BTBD8: variants seen among roughly 807,000 people sequenced by gnomAD.
BTBD8 encodes the protein BTB/POZ domain-containing protein 8.
BTBD8 carries 110 observed loss-of-function variants against 162.9 expected under a neutral mutation model. The observed-to-expected ratio is 0.68, with a 90% CI of 0.58 to 0.79. BTBD8 has a LOEUF of 0.79. Ranked by LOEUF, BTBD8 falls within the 30% of genes least tolerant of loss-of-function variation. The pLI, the probability that BTBD8 is intolerant of heterozygous loss-of-function variation, is 0.00. For synonymous variants in BTBD8, 667 were observed against 716.1 expected (o/e 0.93, Z 1.10); for missense variants, 1,905 against 2,085.4 (o/e 0.91, Z 1.68).
intron 8 of BTBD8, 40 bp downstream of exon 8, chr1:92,147,308 G>T: frequency 6.6e-7 from 1 of 1,523,442 alleles, no homozygotes; most frequent in Non-Finnish European, 9.0e-7. Flanking sequence ...TTAATTTAGG[G>T]ATTTTGTTTT....
rs527253978 is a variant in BTBD8, at chr1:92,080,502, C to A, written c.-70C>A. The A allele has an allele frequency of 7.0e-6, 11 of 1,580,320 alleles. No homozygotes were observed. In the Admixed American group the frequency reaches 1.6e-4, roughly 22 times the overall value. On this transcript the variant is annotated 5_prime_UTR_variant, in exon 1 of 18. Coordinates refer to ENST00000636805, the MANE Select transcript of BTBD8 (RefSeq NM_001376131.1). Reference sequence around the variant, plus strand: ...GCCGAGCGTTCGGTCGGAAACGCCCCCTTCTTCCTCCTGGGCGGGGCAAGT... The same window carrying A: ...GCCGAGCGTTCGGTCGGAAACGCCCACTTCTTCCTCCTGGGCGGGGCAAGT...
chr1:92,140,078 C>T (rs1238733419), intron 6 of BTBD8: 1 of 147,536 alleles, frequency 6.8e-6, no homozygotes, highest in African/African-American at 2.5e-5. Flanking sequence ...CCACTGCACT[C>T]CAGCCTGGTG....
intron 4 of BTBD8, chr1:92,126,507 T>TA (rs151243048): frequency 0.7 from 436,689 of 626,330 alleles, 155,340 homozygotes; most frequent in East Asian, 0.97. Flanking sequence ...TCCTCAATCC[T>TA]CTTCACTCAT....
chr1:92,100,388 A>G (rs1243646728), intron 2 of BTBD8, among the ~76,000 whole-genome samples: 2 of 152,046 alleles, frequency 1.3e-5, no homozygotes, highest in Admixed American at 6.5e-5. Context: ...AAAATTTGTG[A>G]AGGATTGGTG....
intron 13 of BTBD8, among the ~76,000 whole-genome samples, chr1:92,173,328 G>A (rs1208548074): frequency 6.6e-6 from 1 of 152,174 alleles, no homozygotes; most frequent in Admixed American, 6.5e-5. Context: ...TTTCCCCAAT[G>A]TTATAGCTAT....
In BTBD8 at chr1:92,080,724, G is replaced by C; in HGVS notation, c.149+4G>C. On this transcript the variant is annotated splice_donor_region_variant and intron_variant, in intron 1 of 17. Transcript: ENST00000636805. ...AGCTCAGCCAGGATTTGCTCAGGTAGGAGGAGGCGGGAACTCTGGCTGCTT... is the reference window on the plus strand; with the variant it reads ...AGCTCAGCCAGGATTTGCTCAGGTACGAGGAGGCGGGAACTCTGGCTGCTT... The C allele has an allele frequency of 6.2e-7, 1 of 1,606,886 alleles. No individual in the cohort carries two copies. The highest frequency in any genetic ancestry group is 1.1e-5 in the South Asian group (1 of 89,734).
At position 92,139,429 on chromosome 1, in the gene BTBD8, G is replaced by C. The variant is rs774314768; in HGVS notation, c.832G>C (p.Gly278Arg). 1 of 1,601,248 alleles carries C rather than the reference G, an allele frequency of 6.2e-7. No homozygotes were observed. The highest frequency in any genetic ancestry group is 8.5e-7 in the Non-Finnish European group (1 of 1,176,708). Residue 278 changes from glycine to arginine, a missense_variant and splice_region_variant, in exon 6 of 18, where the codon GGT becomes CGT. By Grantham distance (125) the Gly-to-Arg change is moderately radical. Around this residue, in one of 3 missense-constraint regions of BTBD8, gnomAD observed 1,374 missense variants for 1,442.7 expected, o/e 0.95. Coordinates refer to ENST00000636805, the MANE Select transcript of BTBD8 (RefSeq NM_001376131.1). ...GGACATTCCAGACAAAACTAATGTT[G>C]GGTATGTATTCCTTTTTAATAATTT... ...TLDIPDKTNV[G>R]QILNMADMYG...
intron 13 of BTBD8, among the ~76,000 whole-genome samples, chr1:92,175,833 A>G (rs1475040581): frequency 6.6e-6 from 1 of 152,108 alleles, no homozygotes; most frequent in Non-Finnish European, 1.5e-5. Context: ...AAGAATGACA[A>G]TATGATCTTA....
chr1:92,083,568 A>G (rs954017210), intron 1 of BTBD8, among the ~76,000 whole-genome samples: 1 of 152,200 alleles, frequency 6.6e-6, no homozygotes, highest in Non-Finnish European at 1.5e-5. Flanking sequence ...ATGGCAGGCA[A>G]TCAAAGTGAC....
At chr1:92,138,784 G>A (rs1217543166) in intron 5 of BTBD8, among the ~76,000 whole-genome samples, 1 of 152,208 alleles carries the variant, frequency 6.6e-6, no homozygotes, top group Non-Finnish European at 1.5e-5. Context: ...GGAGTAAGAA[G>A]AAGGTCATGA....
chr1:92,178,235 G>A (rs1396601126), intron 15 of BTBD8, 77 bp from the exon 16 acceptor site: 1 of 1,109,280 alleles, frequency 9.0e-7, no homozygotes, highest in Non-Finnish European at 1.3e-6. Flanking sequence ...GAAAAAAACT[G>A]TTTCAGGTAT....
At chr1:92,092,378 A>G (rs1182877697) in intron 2 of BTBD8, among the ~76,000 whole-genome samples, 1 of 143,512 alleles carries the variant, frequency 7.0e-6, no homozygotes, top group Non-Finnish European at 1.5e-5. Context: ...CGTGGGCCTC[A>G]GAGTGAGGCT....
chr1:92,127,552 T>TTTG (rs1649391636), intron 4 of BTBD8, among the ~76,000 whole-genome samples: 1 of 149,928 alleles, frequency 6.7e-6, no homozygotes, highest in African/African-American at 2.5e-5. Context: ...TTTTGGAAGT[T>TTTG]TTTGTTTGTT....
At chr1:92,110,966 CTCGT>C (rs1047958033) in intron 4 of BTBD8, among the ~76,000 whole-genome samples, 1 of 150,436 alleles carries the variant, frequency 6.6e-6, no homozygotes, top group African/African-American at 2.4e-5. Context: ...CTTATGCTGC[CTCGT>C]TGAAAAAGCA....
At chr1:92,087,189 AC>A (rs1648184708) in intron 1 of BTBD8, among the ~76,000 whole-genome samples, 1 of 151,562 alleles carries the variant, frequency 6.6e-6, no homozygotes, top group African/African-American at 2.4e-5. Context: ...TTTTATACAC[AC>A]TTTTTTTTTT....
At chr1:92,122,383 T>C (rs1384548048) in intron 4 of BTBD8, among the ~76,000 whole-genome samples, 3 of 151,518 alleles carry the variant, frequency 2.0e-5, no homozygotes, top group Admixed American at 2.0e-4. Context: ...CTCAGCCTCC[T>C]GAGTAGCTGG....
In BTBD8 at chr1:92,167,835, C is replaced by A; in HGVS notation, c.1306-13C>A. 1 of 1,542,204 alleles carries A rather than the reference C, an allele frequency of 6.5e-7. No homozygotes were observed. Among genetic ancestry groups the A allele is most frequent in the Non-Finnish European group, 8.8e-7 (1 of 1,141,014 alleles). On this transcript the variant is annotated splice_polypyrimidine_tract_variant and intron_variant, in intron 10 of 17. Coordinates refer to ENST00000636805, the MANE Select transcript of BTBD8 (RefSeq NM_001376131.1). Reference sequence around the variant, plus strand: ...ATGTATTCCTCTTAAATATTAATTTCTGTGTTTTATAGTCACAAGCAATGA... The same window carrying A: ...ATGTATTCCTCTTAAATATTAATTTATGTGTTTTATAGTCACAAGCAATGA...
chr1:92,152,730 C>T (rs767401801), intron 9 of BTBD8, among the ~76,000 whole-genome samples: 6 of 152,014 alleles, frequency 3.9e-5, no homozygotes, highest in Non-Finnish European at 5.9e-5. Flanking sequence ...CTATGCCTCT[C>T]CCAATGCTAT....
Position 92,171,382 on chromosome 1 carries a change from G to T in BTBD8, c.1574-17G>T, listed in dbSNP as rs1158734977. The T allele has an allele frequency of 1.3e-6, 2 of 1,532,932 alleles. No homozygotes were observed. The highest frequency in any genetic ancestry group is 1.8e-6 in the Non-Finnish European group (2 of 1,136,296). 95.0% of individuals were successfully genotyped at this position (1,532,932 alleles called of 1,614,324 possible). On this transcript the variant is annotated splice_polypyrimidine_tract_variant and intron_variant, in intron 12 of 17. Transcript: ENST00000636805. ...ATAATGTTCCTTATAAAAACAAATT[G>T]CTGTTTCTTTCTACAGCTGCATTTG...
Sources: gnomAD v4.1 joint callset for allele counts (sites outside exome capture counted in the v4.1 genomes callset) on GRCh38, gnomAD v4.1.1 for gene constraint, gnomAD v4.1.1 regional missense constraint, MANE v1.5 for transcripts, NCBI Gene and HGNC (gene_info 2026-07-23, HGNC 2026-07-21) for gene names.